Variants in CACNA1A observed in about 807,000 individuals in gnomAD.
CACNA1A encodes the protein calcium voltage-gated channel subunit alpha1 A.
In CACNA1A, 57 loss-of-function variants were observed where a neutral mutation model predicts 262.4. The observed-to-expected ratio is 0.22, with a 90% CI of 0.18 to 0.27. CACNA1A has a LOEUF of 0.27. CACNA1A is among the 10% of genes least tolerant of loss of function. The pLI, the probability that CACNA1A is intolerant of heterozygous loss-of-function variation, is 1.00. For missense variants in CACNA1A, 2,526 were observed against 3,562.8 expected (o/e 0.71, Z 7.41); for synonymous variants, 1,431 against 1,419.3 (o/e 1.01, Z -0.18).
At chr19:13,240,661 G>C (rs1280630625) in intron 31 of CACNA1A, among the ~76,000 whole-genome samples, 2 of 145,602 alleles carry the variant, frequency 1.4e-5, no homozygotes, top group African/African-American at 2.6e-5. Context: ...TGTGTGTGTG[G>C]ATAGTGACTG....
rs372542800 is a variant in CACNA1A, at chr19:13,413,267, T to C, written c.539+39609A>G. Among the ~76,000 whole-genome samples, 602 of 150,980 alleles carry C rather than the reference T, an allele frequency of 4.0e-3. 7 individuals carry two copies. The highest frequency in any genetic ancestry group is 0.014 in the African/African-American group (566 of 41,280). On this transcript the variant is annotated intron_variant, in intron 3 of 46. Transcript: ENST00000360228. ...GACTACAGGCGCCCGCCACCATACC[T>C]GGCTAATTTTTTGTATTTTCAGTAG...
chr19:13,376,534 GA>G lies in CACNA1A; in HGVS notation c.540-4756del, dbSNP rs942689807. Reference sequence around the variant, plus strand: ...TAAGCCCACTGTTGAGATCTACTCAGAAAAAAATATATATATAATATATAAC... The same window carrying G: ...TAAGCCCACTGTTGAGATCTACTCAGAAAAAATATATATATAATATATAAC... On this transcript the variant is annotated intron_variant, in intron 3 of 46. Coordinates refer to ENST00000360228, the MANE Select transcript of CACNA1A (RefSeq NM_001127222.2). 6.0e-5 allele frequency among the ~76,000 whole-genome samples: 9 copies of G among 149,000 alleles called. No individual in the cohort carries two copies. In the Admixed American group the frequency reaches 6.1e-4, roughly 10 times the overall value.
intron 24 of CACNA1A, among the ~76,000 whole-genome samples, chr19:13,270,574 G>T (rs1247224815): frequency 1.3e-5 from 2 of 152,234 alleles, no homozygotes; most frequent in East Asian, 3.8e-4. Flanking sequence ...CCTGTAACGG[G>T]GAGAAGATTC....
At chr19:13,472,811 T>C (rs185371633) in intron 1 of CACNA1A, among the ~76,000 whole-genome samples, 2 of 152,300 alleles carry the variant, frequency 1.3e-5, no homozygotes, top group East Asian at 3.9e-4. Flanking sequence ...AGTGGTGCAA[T>C]CATACCCATG....
chr19:13,256,981 C>A, intron 28 of CACNA1A: 1 of 170,636 alleles, frequency 5.9e-6, no homozygotes, highest in Non-Finnish European at 1.3e-5. Flanking sequence ...TCATCTGGAG[C>A]ATCTCAGAGG....
At chr19:13,231,934 G>A in intron 34 of CACNA1A, 74 bp from the exon 35 acceptor site, 3 of 1,494,352 alleles carry the variant, frequency 2.0e-6, no homozygotes, top group Non-Finnish European at 1.8e-6. Context: ...AGGAGGTGGA[G>A]CACACACGTT....
At chr19:13,497,929 G>A in intron 1 of CACNA1A, among the ~76,000 whole-genome samples, 1 of 151,784 alleles carries the variant, frequency 6.6e-6, no homozygotes, top group East Asian at 1.9e-4. Context: ...TTTGCAGCCA[G>A]GGTGGACTGT....
chr19:13,286,782 G>C lies in CACNA1A; in HGVS notation c.3274C>G (p.Gln1092Glu). 6.2e-7 allele frequency: 1 copy of C among 1,612,460 alleles called. No homozygotes were observed. Among genetic ancestry groups the C allele is most frequent in the Non-Finnish European group, 8.5e-7 (1 of 1,179,474 alleles). ...CTGTTTCCCATCTTGGCTGGGCTCT[G>C]GGGCAGGCCGGCGTGGCCAAGGCTG... ...HGSLGHAGLPQSPAKMGNSTD... is the reference protein window; with the variant it reads ...HGSLGHAGLPESPAKMGNSTD... Residue 1092 changes from glutamine (Q) to glutamate (E), a missense_variant, in exon 20 of 47, where the codon CAG becomes GAG. This residue lies in a region of CACNA1A where 765 missense variants were observed against 748.6 expected (regional missense o/e 1.02). Coordinates refer to ENST00000360228, the MANE Select transcript of CACNA1A (RefSeq NM_001127222.2).
chr19:13,233,054 TAA>T (rs201457817), intron 34 of CACNA1A, among the ~76,000 whole-genome samples: 28 of 135,212 alleles, frequency 2.1e-4, no homozygotes, highest in Non-Finnish European at 1.5e-4. Context: ...TGTCTCAGAT[TAA>T]AAAAAAAAAA....
rs142734591 is a variant in CACNA1A, at chr19:13,381,552, A to G, written c.540-9773T>C. Among the ~76,000 whole-genome samples, 13 of 152,328 alleles carry G rather than the reference A, an allele frequency of 8.5e-5. No individual in the cohort carries two copies. In the East Asian group the frequency reaches 2.5e-3, roughly 29 times the overall value. ...AGTGCAGAGAAATAGACATTTGAAT[A>G]AAGACTGGGAGAAAGCAAGGGAAGC... is the stretch of plus-strand genomic sequence containing the variant. On this transcript the variant is annotated intron_variant, in intron 3 of 46. Coordinates refer to ENST00000360228, the MANE Select transcript of CACNA1A (RefSeq NM_001127222.2).
chr19:13,359,130 A>C (rs2059057746), intron 6 of CACNA1A, among the ~76,000 whole-genome samples: 1 of 152,170 alleles, frequency 6.6e-6, no homozygotes, highest in Non-Finnish European at 1.5e-5. Flanking sequence ...GTAACTTAAA[A>C]CATGGCCTAC....
chr19:13,257,272 G>C (rs2056598071), intron 28 of CACNA1A, 78 bp downstream of exon 28: 2 of 1,216,888 alleles, frequency 1.6e-6, no homozygotes, highest in Admixed American at 3.8e-5. Flanking sequence ...CTAGAAAGGG[G>C]TTCCTGGGTG....
intron 6 of CACNA1A, among the ~76,000 whole-genome samples, chr19:13,357,409 G>A (rs1393017076): frequency 2.0e-5 from 3 of 152,192 alleles, no homozygotes; most frequent in Non-Finnish European, 4.4e-5. Flanking sequence ...TATTGCTCCC[G>A]GGTCAGGCCA....
chr19:13,503,269 C>G lies in CACNA1A; in HGVS notation c.293+2663G>C, dbSNP rs575738343. The stretch of plus-strand genomic sequence containing the variant: ...ACCTTAGAAGTCAGGTGAGCGGTAC[C>G]CTTGTTGGGGGAGCAACTAGGAGGC... On this transcript the variant is annotated intron_variant, in intron 1 of 46. Transcript: ENST00000360228. Among the ~76,000 whole-genome samples the G allele has an allele frequency of 6.6e-5, 10 of 152,146 alleles. No individual in the cohort carries two copies. The East Asian group carries it at 1.9e-3, about 29-fold the overall frequency.
intron 31 of CACNA1A, among the ~76,000 whole-genome samples, chr19:13,243,159 C>T (rs183309112): frequency 1.3e-5 from 2 of 152,310 alleles, no homozygotes; most frequent in East Asian, 3.9e-4. Flanking sequence ...GAGCTCCAGC[C>T]CTCTCTAGAA....
chr19:13,432,397 A>G (rs1046534851), intron 3 of CACNA1A, among the ~76,000 whole-genome samples: 1 of 149,282 alleles, frequency 6.7e-6, no homozygotes, highest in Admixed American at 6.7e-5. Flanking sequence ...ACTGGGTGAC[A>G]GAGCGAGACT....
At chr19:13,491,113 T>C (rs1263610957) in intron 1 of CACNA1A, among the ~76,000 whole-genome samples, 2 of 152,244 alleles carry the variant, frequency 1.3e-5, no homozygotes, top group Admixed American at 1.3e-4. Flanking sequence ...CCAACCTCTC[T>C]GGAATGCAAA....
At chr19:13,402,588 A>G (rs2059914852) in intron 3 of CACNA1A, among the ~76,000 whole-genome samples, 1 of 151,304 alleles carries the variant, frequency 6.6e-6, no homozygotes, top group South Asian at 2.1e-4. Flanking sequence ...AAAATAATCA[A>G]AATCTAAAGA....
At chr19:13,468,268 C>T (rs550858399) in intron 1 of CACNA1A, among the ~76,000 whole-genome samples, 2 of 152,136 alleles carry the variant, frequency 1.3e-5, no homozygotes, top group South Asian at 4.2e-4. Flanking sequence ...GACCTTCTCC[C>T]TGTTTATCTT....
Sources: allele counts gnomAD v4.1 joint callset (sites outside exome capture counted in the v4.1 genomes callset), GRCh38; gene constraint gnomAD v4.1.1; regional missense constraint gnomAD v4.1.1; transcripts MANE v1.5; gene names NCBI Gene and HGNC (gene_info 2026-07-23, HGNC 2026-07-21).